The following TOX variants were observed in gnomAD, a reference collection of about 807,000 sequenced individuals.
TOX encodes thymocyte selection-associated high mobility group box protein TOX.
TOX carries 11 observed loss-of-function variants against 53.7 expected under a neutral mutation model. The observed-to-expected ratio is 0.20, with a 90% confidence interval of 0.13 to 0.34. TOX has a LOEUF of 0.34. Ranked by LOEUF, TOX falls within the 10% of genes least tolerant of loss-of-function variation. The pLI is 1.00. For missense variants in TOX, 570 were observed against 664.6 expected, an observed-to-expected ratio of 0.86 and a Z score of 1.56; for synonymous variants, 225 against 245.3, an observed-to-expected ratio of 0.92 and a Z score of 0.77.
At chr8:58,915,658 A>C (rs1160089748) in intron 3 of TOX, among the ~76,000 whole-genome samples, 1 of 149,172 alleles carries the variant, frequency 6.7e-6, no homozygotes, top group African/African-American at 2.5e-5. Context: ...TCCTCCTCCA[A>C]AGGAACGCAG....
At position 59,107,112 on chromosome 8, in the gene TOX, T is replaced by A. The variant is rs370211419; in HGVS notation, c.102+11774A>T. ...TTTTTCAGTAGAATTTTTAAACTTTTAAAATAGATCAAGGCTCTAAACTCA... is the reference window on the plus strand; with the variant it reads ...TTTTTCAGTAGAATTTTTAAACTTTAAAAATAGATCAAGGCTCTAAACTCA... On this transcript the variant is annotated intron_variant, in intron 1 of 8. Coordinates refer to ENST00000361421, the MANE Select transcript of TOX (RefSeq NM_014729.3). Among the ~76,000 whole-genome samples, 47 of 148,836 alleles carry A rather than the reference T, an allele frequency of 3.2e-4. No homozygotes were observed. In the Middle Eastern group the frequency reaches 0.017, roughly 55 times the overall value.
At chr8:59,024,086 T>C (rs1814191317) in intron 1 of TOX, among the ~76,000 whole-genome samples, 1 of 152,156 alleles carries the variant, frequency 6.6e-6, no homozygotes, top group Admixed American at 6.6e-5. Flanking sequence ...CCTGGGGAAG[T>C]CCTTCTCTGA....
chr8:58,900,740 G>A (rs2129172757), intron 3 of TOX, among the ~76,000 whole-genome samples: 1 of 152,114 alleles, frequency 6.6e-6, no homozygotes, highest in Middle Eastern at 3.4e-3. Flanking sequence ...GAAAGTCTAG[G>A]AATGACAGTG....
At chr8:58,964,031 C>T (rs929513544) in intron 1 of TOX, among the ~76,000 whole-genome samples, 2 of 151,944 alleles carry the variant, frequency 1.3e-5, no homozygotes, top group Non-Finnish European at 2.9e-5. Flanking sequence ...CAAAGTCTTA[C>T]AGTGGATTAA....
intron 1 of TOX, among the ~76,000 whole-genome samples, chr8:58,970,064 A>G (rs1299856313): frequency 1.3e-5 from 2 of 152,192 alleles, no homozygotes; most frequent in South Asian, 2.1e-4. Flanking sequence ...AAAAAATGTG[A>G]TATCATTCAT....
chr8:58,819,964 C>A (rs1235396460), intron 6 of TOX, among the ~76,000 whole-genome samples: 1 of 152,152 alleles, frequency 6.6e-6, no homozygotes, highest in Admixed American at 6.5e-5. Flanking sequence ...CTTTCTGCTC[C>A]ATGCAGGTGA....
At chr8:59,005,934 A>T (rs942264151) in intron 1 of TOX, among the ~76,000 whole-genome samples, 1 of 152,222 alleles carries the variant, frequency 6.6e-6, no homozygotes, top group Admixed American at 6.5e-5. Context: ...GTAGAGCAGC[A>T]TGCTCCAGGG....
intron 1 of TOX, among the ~76,000 whole-genome samples, chr8:59,109,788 G>A (rs746988513): frequency 2.0e-5 from 3 of 152,104 alleles, no homozygotes; most frequent in African/African-American, 7.2e-5. Flanking sequence ...AATCGCCGAC[G>A]AAAACATGGT....
At chr8:58,908,278 C>T (rs1044669078) in intron 3 of TOX, among the ~76,000 whole-genome samples, 11 of 152,182 alleles carry the variant, frequency 7.2e-5, no homozygotes, top group African/African-American at 2.7e-4. Context: ...AGCATTTTAA[C>T]CTTTTACACG....
intron 6 of TOX, among the ~76,000 whole-genome samples, chr8:58,822,470 C>G (rs1042846099): frequency 5.9e-5 from 9 of 152,202 alleles, no homozygotes; most frequent in Non-Finnish European, 1.3e-4. Context: ...TCCTGCAATT[C>G]TGATATGCTT....
chr8:58,807,808 T>A (rs1351580536), intron 8 of TOX, 25 bp from the exon 9 acceptor site: 3 of 1,613,830 alleles, frequency 1.9e-6, no homozygotes, highest in Non-Finnish European at 2.5e-6. Context: ...AAAAGACAGT[T>A]CCTTGTTACA....
At chr8:58,868,212 T>C (rs1041036186) in intron 3 of TOX, among the ~76,000 whole-genome samples, 4 of 152,304 alleles carry the variant, frequency 2.6e-5, no homozygotes, top group South Asian at 2.1e-4. Flanking sequence ...TCCACCATGA[T>C]TGTGAGGCCT....
chr8:58,984,903 C>T (rs1008681928), intron 1 of TOX, among the ~76,000 whole-genome samples: 2 of 149,618 alleles, frequency 1.3e-5, no homozygotes, highest in African/African-American at 4.9e-5. Flanking sequence ...CTGTAGAAAA[C>T]ACGATGGCAG....
At chr8:59,046,812 T>C (rs1362461212) in intron 1 of TOX, among the ~76,000 whole-genome samples, 44 of 130,522 alleles carry the variant, frequency 3.4e-4, no homozygotes, top group African/African-American at 3.0e-5. Context: ...TAAGCCAAGA[T>C]TGTGCCACTG....
intron 1 of TOX, among the ~76,000 whole-genome samples, chr8:58,990,015 T>TA (rs1337296418): frequency 6.6e-6 from 1 of 152,246 alleles, no homozygotes; most frequent in Non-Finnish European, 1.5e-5. Context: ...TGTGCTCCTC[T>TA]GGGAGGGTGC....
At position 58,861,237 on chromosome 8, in the gene TOX, C is replaced by T. The variant is rs527590887; in HGVS notation, c.412-9432G>A. 2.6e-5 allele frequency among the ~76,000 whole-genome samples: 4 copies of T among 152,310 alleles called. 1 individual carries two copies. Among genetic ancestry groups the T allele is most frequent in the East Asian group, 3.9e-4 (2 of 5,184 alleles). ...ATAATGGCAGGACATGAGAGGCTCA[C>T]GGACTAAAGGGTCTGTCCTGTCTAA... is the stretch of plus-strand genomic sequence containing the variant. On this transcript the variant is annotated intron_variant, in intron 3 of 8. Transcript: ENST00000361421.
intron 1 of TOX, among the ~76,000 whole-genome samples, chr8:59,096,001 T>A (rs1364477143): frequency 6.6e-6 from 1 of 152,172 alleles, no homozygotes; most frequent in Non-Finnish European, 1.5e-5. Context: ...AGCCGTGAAA[T>A]GGAAATCCAA....
chr8:58,905,103 T>G (rs545631888), intron 3 of TOX, among the ~76,000 whole-genome samples: 1 of 152,268 alleles, frequency 6.6e-6, no homozygotes, highest in South Asian at 2.1e-4. Flanking sequence ...CAGCTAATTT[T>G]GGTATTTTTA....
Position 58,807,453 on chromosome 8 carries a change from T to C in TOX, c.*294A>G. 1 of 319,116 alleles carries C rather than the reference T, an allele frequency of 3.1e-6. No individual in the cohort carries two copies. Among genetic ancestry groups the C allele is most frequent in the Non-Finnish European group, 5.9e-6 (1 of 170,708 alleles). The allele number at this position is 319,116 out of a possible 1,614,324, so 19.8% of individuals were successfully genotyped here. The stretch of plus-strand genomic sequence containing the variant: ...GGACTTTTATCCGAGACATCTACAG[T>C]TGCTAAGGCAGTTACTAGAGCGCAG... On this transcript the variant is annotated 3_prime_UTR_variant, in exon 9 of 9. Coordinates refer to ENST00000361421, the MANE Select transcript of TOX (RefSeq NM_014729.3).
Sources: allele counts gnomAD v4.1 joint callset (sites outside exome capture counted in the v4.1 genomes callset), GRCh38; gene constraint gnomAD v4.1.1; transcripts MANE v1.5; gene names NCBI Gene and HGNC (gene_info 2026-07-23, HGNC 2026-07-21).